Variants in IQCJ observed in about 807,000 individuals in gnomAD.
IQCJ encodes the protein IQ motif containing J.
Under a neutral mutation model 11.0 loss-of-function variants are expected in IQCJ, and 9 were observed. That is an observed-to-expected ratio of 0.82 (90% confidence interval 0.49 to 1.43). The LOEUF (loss-of-function observed/expected upper bound fraction) is 1.43. Among genes scored for constraint, IQCJ ranks in the 40% most tolerant of loss-of-function variants. The probability of loss-of-function intolerance (pLI) is 0.00; values close to 1 mark genes in which losing one functional copy is unlikely to be tolerated. For missense variants in IQCJ, 146 were observed against 133.2 expected (o/e 1.10, Z -0.47); for synonymous variants, 55 against 51.3 (o/e 1.07, Z -0.31).
At chr3:159,083,264 A>T (rs1336174442) in intron 1 of IQCJ, among the ~76,000 whole-genome samples, 3 of 152,148 alleles carry the variant, frequency 2.0e-5, no homozygotes, top group Admixed American at 2.0e-4. Context: ...TTCAACCATA[A>T]ATAACCCAAA....
intron 1 of IQCJ, among the ~76,000 whole-genome samples, chr3:159,145,930 A>G (rs539890125): frequency 3.3e-5 from 5 of 152,226 alleles, no homozygotes; most frequent in Non-Finnish European, 5.9e-5. Context: ...AAGAACCATT[A>G]TTATTGTACC....
intron 1 of IQCJ, among the ~76,000 whole-genome samples, chr3:159,158,071 C>T (rs1272153731): frequency 6.6e-6 from 1 of 152,052 alleles, no homozygotes; most frequent in South Asian, 2.1e-4. Context: ...ATTACTAGGT[C>T]AAAGAGAATA....
At chr3:159,083,837 A>G (rs1454517517) in intron 1 of IQCJ, among the ~76,000 whole-genome samples, 1 of 152,170 alleles carries the variant, frequency 6.6e-6, no homozygotes, top group African/African-American at 2.4e-5. Flanking sequence ...GATTCCATTC[A>G]TATAACATTC....
intron 1 of IQCJ, among the ~76,000 whole-genome samples, chr3:159,177,126 C>T (rs1722839990): frequency 6.6e-6 from 1 of 152,116 alleles, no homozygotes; most frequent in Non-Finnish European, 1.5e-5. Flanking sequence ...AAATCCACAT[C>T]CAAGTTTCTT....
intron 1 of IQCJ, among the ~76,000 whole-genome samples, chr3:159,144,431 A>T (rs1720804953): frequency 6.6e-6 from 1 of 152,192 alleles, no homozygotes; most frequent in African/African-American, 2.4e-5. Context: ...TACCAACCCT[A>T]GGCTGAACAA....
At chr3:159,141,769 A>G (rs748168225) in intron 1 of IQCJ, among the ~76,000 whole-genome samples, 2 of 152,236 alleles carry the variant, frequency 1.3e-5, no homozygotes, top group African/African-American at 2.4e-5. Context: ...CACTTACTAT[A>G]TGCAAGGTAC....
chr3:159,121,862 C>T (rs957605551), intron 1 of IQCJ, among the ~76,000 whole-genome samples: 1 of 152,198 alleles, frequency 6.6e-6, no homozygotes, highest in African/African-American at 2.4e-5. Context: ...CTGCAAAAAT[C>T]TGGTTCTTAG....
intron 1 of IQCJ, among the ~76,000 whole-genome samples, chr3:159,202,350 CAG>C: frequency 6.6e-6 from 1 of 152,292 alleles, no homozygotes; most frequent in African/African-American, 2.4e-5. Context: ...ACACAAAACT[CAG>C]GGCCAGATGT....
intron 1 of IQCJ, among the ~76,000 whole-genome samples, chr3:159,116,777 A>G (rs531274129): frequency 1.2e-4 from 18 of 151,300 alleles, no homozygotes; most frequent in African/African-American, 4.4e-4. Flanking sequence ...TCTTTTGTGC[A>G]ATTGAAAAAG....
At chr3:159,180,032 C>A in intron 1 of IQCJ, among the ~76,000 whole-genome samples, 1 of 152,276 alleles carries the variant, frequency 6.6e-6, no homozygotes, top group Non-Finnish European at 1.5e-5. Flanking sequence ...TTAGAAGAAG[C>A]AAAGCTTTCA....
At chr3:159,089,066 C>T in intron 1 of IQCJ, among the ~76,000 whole-genome samples, 1 of 151,886 alleles carries the variant, frequency 6.6e-6, no homozygotes, top group Non-Finnish European at 1.5e-5. Context: ...ACCGGTTGTT[C>T]CTTTACATGT....
At chr3:159,261,089 T>G (rs150570656) in intron 3 of IQCJ, among the ~76,000 whole-genome samples, 62 of 152,344 alleles carry the variant, frequency 4.1e-4, no homozygotes, top group African/African-American at 1.3e-3. Context: ...TTATATGCTG[T>G]GACCATTGAG....
chr3:159,134,492 T>C lies in IQCJ; in HGVS notation c.9+65051T>C, dbSNP rs571750685. Among the ~76,000 whole-genome samples, 3 of 152,298 alleles carry C rather than the reference T, an allele frequency of 2.0e-5. No individual in the cohort carries two copies. In the East Asian group the frequency reaches 5.8e-4, roughly 30 times the overall value. On this transcript the variant is annotated intron_variant, in intron 1 of 3. Coordinates refer to ENST00000397832, the MANE Select transcript of IQCJ (RefSeq NM_001042706.3). ...ATTACACATTTAGAATAGTTCTGCT[T>C]GTAGAGAGAGGGCCATGGAACAAAC...
intron 1 of IQCJ, among the ~76,000 whole-genome samples, chr3:159,218,297 T>C (rs1349575986): frequency 6.6e-6 from 1 of 151,984 alleles, no homozygotes; most frequent in Non-Finnish European, 1.5e-5. Context: ...TTAATAAATA[T>C]TGTTGAATAA....
intron 1 of IQCJ, among the ~76,000 whole-genome samples, chr3:159,236,395 T>C (rs1355244467): frequency 6.6e-6 from 1 of 152,200 alleles, no homozygotes; most frequent in Non-Finnish European, 1.5e-5. Flanking sequence ...AATGCCCATA[T>C]TCACAGCAGG....
chr3:159,076,114 T>A (rs1715896888), intron 1 of IQCJ, among the ~76,000 whole-genome samples: 1 of 152,114 alleles, frequency 6.6e-6, no homozygotes, highest in African/African-American at 2.4e-5. Context: ...TGATAATGAA[T>A]TTCTCACTGA....
chr3:159,160,748 G>T (rs916317792), intron 1 of IQCJ, among the ~76,000 whole-genome samples: 1 of 134,538 alleles, frequency 7.4e-6, no homozygotes, highest in African/African-American at 2.9e-5. Flanking sequence ...TGTTCTCATT[G>T]TTCAATTCCC....
intron 1 of IQCJ, among the ~76,000 whole-genome samples, chr3:159,123,428 C>T (rs1000580735): frequency 1.4e-4 from 21 of 152,150 alleles, no homozygotes; most frequent in Admixed American, 1.2e-3. Flanking sequence ...GGATCCTGGA[C>T]ACCCCCTGCC....
intron 1 of IQCJ, among the ~76,000 whole-genome samples, chr3:159,179,361 C>T (rs1013104534): frequency 4.6e-5 from 7 of 152,252 alleles, no homozygotes; most frequent in African/African-American, 1.7e-4. Flanking sequence ...CTACTTACAG[C>T]AGCAGTGACC....
Sources: allele counts gnomAD v4.1 joint callset (sites outside exome capture counted in the v4.1 genomes callset), GRCh38; gene constraint gnomAD v4.1.1; transcripts MANE v1.5; gene names NCBI Gene and HGNC (gene_info 2026-07-23, HGNC 2026-07-21).